Variants in RAPGEF4 observed in about 807,000 individuals in gnomAD.
RAPGEF4 encodes the protein RAP guanine-nucleotide-exchange factor (GEF) 4.
Under a neutral mutation model 147.9 loss-of-function variants are expected in RAPGEF4, and 66 were observed. The ratio of observed to expected loss-of-function variants is 0.45; its 90% CI spans 0.37 to 0.55. The LOEUF is 0.55. Among genes scored for constraint, RAPGEF4 ranks in the 20% least tolerant of loss-of-function variants. The probability of loss-of-function intolerance (pLI) is 0.00; values close to 1 mark genes in which losing one functional copy is unlikely to be tolerated. For missense variants in RAPGEF4, 1,071 were observed against 1,257.3 expected (o/e 0.85, Z 2.24); for synonymous variants, 419 against 442.7 (o/e 0.95, Z 0.67).
At chr2:172,968,754 A>G (rs560751077) in intron 10 of RAPGEF4, among the ~76,000 whole-genome samples, 1 of 152,312 alleles carries the variant, frequency 6.6e-6, no homozygotes, top group South Asian at 2.1e-4. Flanking sequence ...TGCCCAGCCA[A>G]TGTATGCTTT....
intron 4 of RAPGEF4, among the ~76,000 whole-genome samples, chr2:172,836,182 CA>C (rs779964881): frequency 6.6e-6 from 1 of 152,048 alleles, no homozygotes; most frequent in African/African-American, 2.4e-5. Context: ...TTTTGGCAGC[CA>C]AAATCTTCAT....
At position 173,014,523 on chromosome 2, in the gene RAPGEF4, A is replaced by G. The variant is rs1217067437; in HGVS notation, c.1718A>G (p.Asn573Ser). The change falls in exon 18 of 31, where the codon AAT becomes AGT. Residue 573 changes from asparagine to serine, a missense_variant. Coordinates refer to ENST00000397081, the MANE Select transcript of RAPGEF4 (RefSeq NM_007023.4). ...GAGAAAATGGATTATGCCCTCAACAATAAGAGGCGAGTCATCCGCCTGGTT... is the reference window on the plus strand; with the variant it reads ...GAGAAAATGGATTATGCCCTCAACAGTAAGAGGCGAGTCATCCGCCTGGTT... ...EQEKMDYALN[N>S]KRRVIRLVLQ... 1.9e-6 allele frequency: 3 copies of G among 1,614,140 alleles called. No homozygotes were observed. The highest frequency in any genetic ancestry group is 3.3e-5 in the Admixed American group (2 of 60,026).
intron 3 of RAPGEF4, among the ~76,000 whole-genome samples, chr2:172,811,587 A>G (rs1238642218): frequency 6.6e-6 from 1 of 152,226 alleles, no homozygotes; most frequent in African/African-American, 2.4e-5. Context: ...CAGTATGTAT[A>G]AGCGTAAAAG....
chr2:173,027,038 A>C, intron 24 of RAPGEF4, 43 bp from the exon 25 acceptor site: 1 of 1,512,848 alleles, frequency 6.6e-7, no homozygotes, highest in Non-Finnish European at 8.9e-7. Flanking sequence ...TGGTGTTTTG[A>C]TTTAAAAAAA....
chr2:172,826,830 A>G (rs1056715997), intron 4 of RAPGEF4, among the ~76,000 whole-genome samples: 1 of 152,054 alleles, frequency 6.6e-6, no homozygotes, highest in African/African-American at 2.4e-5. Context: ...AAATGAGCCC[A>G]GTGTGGTAGC....
At chr2:173,005,534 T>TTTTTG (rs1289482625) in intron 17 of RAPGEF4, among the ~76,000 whole-genome samples, 8 of 133,604 alleles carry the variant, frequency 6.0e-5, no homozygotes, top group Non-Finnish European at 9.3e-5. Context: ...TTTTTTTTTT[T>TTTTTG]TTTTTTTGAG....
intron 1 of RAPGEF4, among the ~76,000 whole-genome samples, chr2:172,759,003 A>G (rs1352326586): frequency 6.6e-6 from 1 of 152,342 alleles, no homozygotes; most frequent in African/African-American, 2.4e-5. Context: ...GGATTGACCA[A>G]TGAAGCAGGA....
Position 172,761,117 on chromosome 2 carries a change from A to T in RAPGEF4, c.65+25069A>T, listed in dbSNP as rs200318218. ...CATTTTTCTTTCTTTTTTTTTTTTT[A>T]ATTTTTTTTTCTTTTTTTTTTGTTT... On this transcript the variant is annotated intron_variant, in intron 1 of 30. Transcript: ENST00000397081. 5.0e-3 allele frequency among the ~76,000 whole-genome samples: 547 copies of T among 110,412 alleles called. 1 individual carries two copies. Among genetic ancestry groups the T allele is most frequent in the African/African-American group, 0.015 (498 of 32,970 alleles). 72.4% of individuals were successfully genotyped at this position (110,412 alleles called of 152,430 possible).
chr2:172,985,728 G>A (rs1692181866), intron 12 of RAPGEF4, among the ~76,000 whole-genome samples: 1 of 152,118 alleles, frequency 6.6e-6, no homozygotes, highest in Non-Finnish European at 1.5e-5. Flanking sequence ...GTGCCAGCCT[G>A]AGTCTCACTG....
rs1346713177 is a variant in RAPGEF4 at position 172,819,544 on chromosome 2, C to T, written c.444+5119C>T. On this transcript the variant is annotated intron_variant, in intron 4 of 30. Coordinates refer to ENST00000397081, the MANE Select transcript of RAPGEF4 (RefSeq NM_007023.4). ...GCAGTGGCGCGATCTCGGCTCACTG[C>T]AAGCTCCGCCTCCCGGGTTCACGCC... is the stretch of plus-strand genomic sequence containing the variant. Among the ~76,000 whole-genome samples, 4 of 136,116 alleles carry T rather than the reference C, an allele frequency of 2.9e-5. No homozygotes were observed. In the Admixed American group the frequency reaches 3.3e-4, roughly 11 times the overall value. 89.3% of individuals were successfully genotyped at this position (136,116 alleles called of 152,430 possible). A position where few individuals can be genotyped will look rare whatever the true frequency, so the allele number is the denominator to read the frequency against.
At chr2:172,954,512 G>A (rs1036917660) in intron 6 of RAPGEF4, among the ~76,000 whole-genome samples, 1 of 152,148 alleles carries the variant, frequency 6.6e-6, no homozygotes, top group African/African-American at 2.4e-5. Flanking sequence ...AATGGAAGCC[G>A]AAGAAGTCTC....
Position 172,990,876 on chromosome 2 carries a change from C to T in RAPGEF4, c.1441C>T (p.Pro481Ser). The change falls in exon 15 of 31, where the codon CCA becomes TCA. Residue 481 changes from proline (P) to serine (S), a missense_variant. Physicochemically the swap from Pro to Ser is moderately conservative, Grantham distance 74. Transcript: ENST00000397081. ...AGATGTCTTGGTGCTGGAGAAGGTC[C>T]CAGCAGGGAACAGAGCTTCTAATCA... ...DQDVLVLEKV[P>S]AGNRASNQGN... 6.2e-7 allele frequency: 1 copy of T among 1,613,970 alleles called. No individual in the cohort carries two copies. Among genetic ancestry groups the T allele is most frequent in the Non-Finnish European group, 8.5e-7 (1 of 1,179,952 alleles).
At chr2:172,750,040 A>G (rs965667425) in intron 1 of RAPGEF4, among the ~76,000 whole-genome samples, 1 of 152,144 alleles carries the variant, frequency 6.6e-6, no homozygotes, top group African/African-American at 2.4e-5. Flanking sequence ...TTATATCATT[A>G]TCAACATTTT....
At position 173,034,873 on chromosome 2, in the gene RAPGEF4, A is replaced by AACACACACACACACAC. The variant is rs34646146; in HGVS notation, c.2700+931_2700+946dup. Among the ~76,000 whole-genome samples, 399 of 140,948 alleles carry AACACACACACACACAC rather than the reference A, an allele frequency of 2.8e-3. 2 individuals carry two copies. The highest frequency in any genetic ancestry group is 1.0e-2 in the African/African-American group (377 of 37,870). The allele number at this position is 140,948 out of a possible 152,430, so 92.5% of individuals were successfully genotyped here. On this transcript the variant is annotated intron_variant, in intron 27 of 30. Transcript: ENST00000397081. ...GGGTGACAGAGTGCGACCCCGTCTCAACACACACACACACACACACACACA... is the reference window on the plus strand; with the variant it reads ...GGGTGACAGAGTGCGACCCCGTCTCAACACACACACACACACACACACACACACACACACACACACA...
At chr2:172,917,460 CT>C (rs1255935479) in intron 4 of RAPGEF4, 4 of 588,480 alleles carry the variant, frequency 6.8e-6, no homozygotes, top group South Asian at 1.5e-5. Context: ...GCTCGAGTGC[CT>C]TTTCCCTCTA....
Position 173,048,687 on chromosome 2 carries a change from G to C in RAPGEF4, c.2908+33G>C, listed in dbSNP as rs188767559. On this transcript the variant is annotated intron_variant, in intron 30 of 30. Coordinates refer to ENST00000397081, the MANE Select transcript of RAPGEF4 (RefSeq NM_007023.4). ...AAGTGCTGCCACCTCTTACAATGTAGATGTTGGTGATTAAGGTCTTCTTAA... is the reference window on the plus strand; with the variant it reads ...AAGTGCTGCCACCTCTTACAATGTACATGTTGGTGATTAAGGTCTTCTTAA... The C allele has an allele frequency of 1.9e-4, 310 of 1,613,800 alleles. 1 individual carries two copies. In the East Asian group the frequency reaches 6.6e-3, roughly 34 times the overall value.
At chr2:172,985,342 A>C in intron 11 of RAPGEF4, 91 bp from the exon 12 acceptor site, 1 of 1,577,846 alleles carries the variant, frequency 6.3e-7, no homozygotes. Context: ...GCCCCGGGAC[A>C]GTTTGCATTG....
chr2:172,737,865 TA>T (rs1693951990), intron 1 of RAPGEF4, among the ~76,000 whole-genome samples: 1 of 152,050 alleles, frequency 6.6e-6, no homozygotes, highest in Non-Finnish European at 1.5e-5. Flanking sequence ...AAAATGAGGA[TA>T]GGACTATCAG....
chr2:173,014,226 T>C (rs1418329808), intron 17 of RAPGEF4, among the ~76,000 whole-genome samples: 1 of 151,052 alleles, frequency 6.6e-6, no homozygotes, highest in East Asian at 2.0e-4. Context: ...CCAGGAGGAG[T>C]CTGTGAAAGT....
Sources: allele counts gnomAD v4.1 joint callset (sites outside exome capture counted in the v4.1 genomes callset), GRCh38; gene constraint gnomAD v4.1.1; transcripts MANE v1.5; gene names NCBI Gene and HGNC (gene_info 2026-07-23, HGNC 2026-07-21).